Variants in ERBB4 observed in about 807,000 individuals in gnomAD.
The protein encoded by ERBB4 is erb-b2 receptor tyrosine kinase 4, also known as receptor tyrosine-protein kinase erbB-4.
In ERBB4, 42 loss-of-function variants were observed where a neutral mutation model predicts 158.0. The ratio of observed to expected loss-of-function variants is 0.27; its 90% CI spans 0.21 to 0.34. ERBB4 has a LOEUF of 0.34. Ranked by LOEUF, ERBB4 falls within the 10% of genes least tolerant of loss-of-function variation. ERBB4 has a pLI of 1.00. For missense variants in ERBB4, 1,333 were observed against 1,624.1 expected (o/e 0.82, Z 3.08); for synonymous variants, 583 against 558.7 (o/e 1.04, Z -0.61).
intron 1 of ERBB4, among the ~76,000 whole-genome samples, chr2:212,523,583 C>T (rs1692287528): frequency 6.6e-6 from 1 of 151,722 alleles, no homozygotes; most frequent in South Asian, 2.1e-4. Flanking sequence ...AAAAAAAATC[C>T]TTCACAAATC....
At chr2:211,677,734 C>T (rs914482066) in intron 13 of ERBB4, among the ~76,000 whole-genome samples, 11 of 151,782 alleles carry the variant, frequency 7.2e-5, no homozygotes, top group African/African-American at 2.2e-4. Flanking sequence ...ATTAGCCGGG[C>T]GTGGTGGCGG....
intron 4 of ERBB4, among the ~76,000 whole-genome samples, chr2:211,756,854 A>G (rs898190516): frequency 4.6e-5 from 7 of 152,198 alleles, no homozygotes; most frequent in Non-Finnish European, 8.8e-5. Flanking sequence ...ATGCTTGGTA[A>G]CCAAACTTTC....
At chr2:212,127,249 C>G (rs1294390122) in intron 1 of ERBB4, among the ~76,000 whole-genome samples, 1 of 152,116 alleles carries the variant, frequency 6.6e-6, no homozygotes, top group Non-Finnish European at 1.5e-5. Flanking sequence ...ACATGTAGCC[C>G]AGGATGACAT....
intron 1 of ERBB4, among the ~76,000 whole-genome samples, chr2:212,278,640 A>G (rs1319059599): frequency 6.6e-6 from 1 of 151,724 alleles, no homozygotes; most frequent in Non-Finnish European, 1.5e-5. Context: ...GCAAGTCACA[A>G]AAAATAATCT....
chr2:211,614,888 G>C (rs115993338), intron 19 of ERBB4, among the ~76,000 whole-genome samples: 3,268 of 152,030 alleles, frequency 0.021, 107 homozygotes, highest in African/African-American at 0.075. Flanking sequence ...AGTTGTGTAA[G>C]ATAAATAAAA....
intron 4 of ERBB4, among the ~76,000 whole-genome samples, chr2:211,760,557 TGTAA>T (rs1417400014): frequency 6.6e-6 from 1 of 152,234 alleles, no homozygotes; most frequent in Non-Finnish European, 1.5e-5. Flanking sequence ...CAACATTTCA[TGTAA>T]GTATCAACAG....
intron 19 of ERBB4, among the ~76,000 whole-genome samples, chr2:211,585,502 ATTGACT>A (rs2068249830): frequency 6.6e-6 from 1 of 152,158 alleles, no homozygotes; most frequent in Admixed American, 6.5e-5. Context: ...TAAATAAGAA[ATTGACT>A]TTGAGGGGTC....
intron 1 of ERBB4, among the ~76,000 whole-genome samples, chr2:212,409,740 C>T (rs1361939244): frequency 1.3e-5 from 2 of 152,042 alleles, no homozygotes; most frequent in African/African-American, 2.4e-5. Flanking sequence ...TTTACTGACA[C>T]CATGAGTCAC....
At chr2:211,512,422 T>C (rs1021218446) in intron 20 of ERBB4, among the ~76,000 whole-genome samples, 6 of 148,958 alleles carry the variant, frequency 4.0e-5, no homozygotes, top group Non-Finnish European at 8.9e-5. Context: ...TGGTTTATTA[T>C]TCCAAAGAAC....
intron 20 of ERBB4, among the ~76,000 whole-genome samples, chr2:211,433,232 C>T (rs945180761): frequency 2.6e-5 from 4 of 152,148 alleles, no homozygotes; most frequent in African/African-American, 9.7e-5. Context: ...TGGTAAAGAA[C>T]TTAGACTTTT....
chr2:211,807,008 ATATAT>A (rs1179930058), intron 3 of ERBB4, among the ~76,000 whole-genome samples: 1 of 152,152 alleles, frequency 6.6e-6, no homozygotes, highest in Non-Finnish European at 1.5e-5. Context: ...AAGATTGATA[ATATAT>A]TCTGTTCAAT....
At chr2:212,453,244 A>T (rs905720860) in intron 1 of ERBB4, among the ~76,000 whole-genome samples, 3 of 152,050 alleles carry the variant, frequency 2.0e-5, no homozygotes, top group African/African-American at 7.2e-5. Context: ...CCGCATATAG[A>T]CTCTAACCCT....
intron 1 of ERBB4, among the ~76,000 whole-genome samples, chr2:212,215,336 A>C (rs2083064982): frequency 6.6e-6 from 1 of 151,572 alleles, no homozygotes; most frequent in Non-Finnish European, 1.5e-5. Flanking sequence ...AATTATGTAC[A>C]TTGAAAAATT....
At chr2:212,490,681 C>A (rs1033474076) in intron 1 of ERBB4, among the ~76,000 whole-genome samples, 7 of 151,686 alleles carry the variant, frequency 4.6e-5, no homozygotes, top group Admixed American at 2.6e-4. Context: ...TGTTGTCAAA[C>A]ATAAAAAGTA....
chr2:211,773,598 TTATATATATATATATATATATATATA>T lies in ERBB4; in HGVS notation c.556+14401_556+14426del, dbSNP rs1171015959. ...AAGTAAGGATTATACTTCTGTAACTTTATATATATATATATATATATATATATATATATATATATATATATATATAA... is the reference window on the plus strand; with the variant it reads ...AAGTAAGGATTATACTTCTGTAACTTTATATATATATATATATATATATAA... On this transcript the variant is annotated intron_variant, in intron 4 of 27. Coordinates refer to ENST00000342788, the MANE Select transcript of ERBB4 (RefSeq NM_005235.3). 4.3e-3 allele frequency among the ~76,000 whole-genome samples: 128 copies of T among 29,798 alleles called. 4 individuals are homozygous for T. Among genetic ancestry groups the T allele is most frequent in the Admixed American group, 8.2e-3 (18 of 2,196 alleles). The allele number at this position is 29,798 out of a possible 152,430, so 19.5% of individuals were successfully genotyped here. A position where few individuals can be genotyped will look rare whatever the true frequency, so the allele number is the denominator to read the frequency against.
At position 211,378,020 on chromosome 2, in the gene ERBB4, G is replaced by A. The variant is rs1595064; in HGVS notation, c.*5595C>T. ...TGAAGTCAGTGTTTCACAAAGTGGG[G>A]TGTAGGATCTCAGAGATCCACTATG... On this transcript the variant is annotated 3_prime_UTR_variant, in exon 28 of 28. Transcript: ENST00000342788. 1 of 232,728 alleles carries A rather than the reference G, an allele frequency of 4.3e-6. No homozygotes were observed. Among genetic ancestry groups the A allele is most frequent in the East Asian group, 6.1e-5 (1 of 16,524 alleles). The allele number at this position is 232,728 out of a possible 1,614,324, so 14.4% of individuals were successfully genotyped here.
intron 19 of ERBB4, among the ~76,000 whole-genome samples, chr2:211,602,905 G>A (rs1469811145): frequency 5.3e-5 from 8 of 152,112 alleles, no homozygotes; most frequent in Admixed American, 2.6e-4. Flanking sequence ...TACCCATCCA[G>A]ACTGCAGCAT....
intron 20 of ERBB4, among the ~76,000 whole-genome samples, chr2:211,480,471 T>C (rs2065054895): frequency 6.6e-6 from 1 of 152,170 alleles, no homozygotes; most frequent in Non-Finnish European, 1.5e-5. Context: ...CTCCCTCCCC[T>C]GCCACCATGT....
intron 2 of ERBB4, among the ~76,000 whole-genome samples, chr2:211,963,184 T>C (rs1268160774): frequency 6.6e-6 from 1 of 152,076 alleles, no homozygotes; most frequent in East Asian, 1.9e-4. Flanking sequence ...CTGGAGATAT[T>C]TGTGGTTGTC....
Sources: gnomAD v4.1 joint callset for allele counts (sites outside exome capture counted in the v4.1 genomes callset) on GRCh38, gnomAD v4.1.1 for gene constraint, MANE v1.5 for transcripts, NCBI Gene and HGNC (gene_info 2026-07-23, HGNC 2026-07-21) for gene names.